R3HDM2: variants seen among roughly 807,000 people sequenced by gnomAD.
R3HDM2 encodes R3H domain-containing protein 2.
Under a neutral mutation model 124.5 loss-of-function variants are expected in R3HDM2, and 38 were observed. The observed-to-expected ratio is 0.31, with a 90% CI of 0.24 to 0.40. R3HDM2 has a LOEUF of 0.40. Among genes scored for constraint, R3HDM2 ranks in the 10% least tolerant of loss-of-function variants. The probability of loss-of-function intolerance (pLI) is 1.00; values close to 1 mark genes in which losing one functional copy is unlikely to be tolerated. For missense variants in R3HDM2, 869 were observed against 1,236.9 expected (o/e 0.70, Z 4.46); for synonymous variants, 391 against 448.0 (o/e 0.87, Z 1.61).
At chr12:57,407,927 A>C (rs2068673386) in intron 1 of R3HDM2, among the ~76,000 whole-genome samples, 1 of 151,128 alleles carries the variant, frequency 6.6e-6, no homozygotes, top group African/African-American at 2.4e-5. Flanking sequence ...CACCACATCC[A>C]GCTAATTTTT....
intron 2 of R3HDM2, among the ~76,000 whole-genome samples, chr12:57,349,260 G>A (rs2060401760): frequency 6.6e-6 from 1 of 150,674 alleles, no homozygotes; most frequent in Admixed American, 6.6e-5. Context: ...GGTGCCTGTA[G>A]TCCCAGCTAC....
At chr12:57,263,249 C>T (rs1565850640) in intron 19 of R3HDM2, among the ~76,000 whole-genome samples, 2 of 152,196 alleles carry the variant, frequency 1.3e-5, no homozygotes, top group African/African-American at 2.4e-5. Context: ...AGTATACCTA[C>T]ATGTACATGC....
chr12:57,281,901 G>A (rs1193321830), intron 13 of R3HDM2, among the ~76,000 whole-genome samples: 3 of 152,202 alleles, frequency 2.0e-5, no homozygotes, highest in Non-Finnish European at 4.4e-5. Context: ...AGATGAGGAA[G>A]CAAAAACTCC....
At chr12:57,275,119 G>T (rs1418694257) in intron 14 of R3HDM2, among the ~76,000 whole-genome samples, 1 of 152,214 alleles carries the variant, frequency 6.6e-6, no homozygotes, top group East Asian at 1.9e-4. Flanking sequence ...ATAAAAATAG[G>T]CACATAGACC....
chr12:57,395,662 G>T, intron 2 of R3HDM2, 87 bp downstream of exon 2: 1 of 460,068 alleles, frequency 2.2e-6, no homozygotes, highest in South Asian at 9.3e-5. Context: ...ACACCATGGA[G>T]TTGTGTGAGG....
chr12:57,286,199 T>A (rs2047304894), intron 12 of R3HDM2, among the ~76,000 whole-genome samples: 1 of 152,138 alleles, frequency 6.6e-6, no homozygotes, highest in Admixed American at 6.5e-5. Flanking sequence ...GCTGATTAGT[T>A]TTTACAAGCA....
intron 2 of R3HDM2, among the ~76,000 whole-genome samples, chr12:57,343,764 T>TAAAAAAAAAAAAAAAAAAAA (rs5798403): frequency 9.0e-6 from 1 of 111,660 alleles, no homozygotes. Context: ...TACAAAAGGT[T>TAAAAAAAAAAAAAAAAAAAA]AAAAAAAAAA....
At chr12:57,267,705 G>A (rs2042792332) in intron 18 of R3HDM2, among the ~76,000 whole-genome samples, 1 of 152,194 alleles carries the variant, frequency 6.6e-6, no homozygotes, top group Non-Finnish European at 1.5e-5. Flanking sequence ...AGAAACACGT[G>A]GAGTTGCCCA....
At chr12:57,289,472 C>T (rs192784121) in intron 11 of R3HDM2, among the ~76,000 whole-genome samples, 90 of 152,310 alleles carry the variant, frequency 5.9e-4, no homozygotes, top group Non-Finnish European at 5.7e-4. Context: ...TCCTCAATGG[C>T]TTTTCCATTT....
At chr12:57,362,567 G>A (rs1327687798) in intron 2 of R3HDM2, among the ~76,000 whole-genome samples, 1 of 152,142 alleles carries the variant, frequency 6.6e-6, no homozygotes. Context: ...AAAGTTATAT[G>A]TGGATTTTTG....
At chr12:57,343,634 A>G (rs1433875234) in intron 2 of R3HDM2, among the ~76,000 whole-genome samples, 2 of 152,070 alleles carry the variant, frequency 1.3e-5, no homozygotes, top group African/African-American at 4.8e-5. Flanking sequence ...AAAACAATAA[A>G]ACCTGTCACA....
intron 20 of R3HDM2, 67 bp from the exon 21 acceptor site, chr12:57,258,204 G>A: frequency 7.7e-7 from 1 of 1,297,196 alleles, no homozygotes; most frequent in Non-Finnish European, 9.9e-7. Flanking sequence ...CCTATGGCTT[G>A]GCTTAAAATT....
intron 1 of R3HDM2, among the ~76,000 whole-genome samples, chr12:57,396,205 C>T (rs2067475696): frequency 6.6e-6 from 1 of 151,844 alleles, no homozygotes; most frequent in South Asian, 2.1e-4. Context: ...TTTGGGTGGC[C>T]GAGGCCGGTG....
intron 2 of R3HDM2, among the ~76,000 whole-genome samples, chr12:57,386,360 G>T (rs1363368931): frequency 6.6e-6 from 1 of 152,262 alleles, no homozygotes; most frequent in Non-Finnish European, 1.5e-5. Context: ...TTGCGGGCCA[G>T]CACGAGTTCC....
rs1412159483 is a variant in R3HDM2 at position 57,254,977 on chromosome 12, C to A, written c.2769G>T (p.Gly923=). ...WLKDAQGLPG[G]GGGDNSGTAE... Reference sequence around the variant, plus strand: ...CAGTCCCACTGTTGTCCCCCCCACCCCCTCCAGGCAGCCCCTGAGCATCCT... The same window carrying A: ...CAGTCCCACTGTTGTCCCCCCCACCACCTCCAGGCAGCCCCTGAGCATCCT... Residue 923 remains glycine (G), a synonymous_variant, in exon 24 of 24, where the codon GGG becomes GGT. Transcript: ENST00000402412. 2.5e-6 allele frequency: 4 copies of A among 1,612,528 alleles called. No homozygotes were observed. The highest frequency in any genetic ancestry group is 1.3e-5 in the African/African-American group (1 of 75,008).
intron 2 of R3HDM2, among the ~76,000 whole-genome samples, chr12:57,340,531 T>A (rs1265044223): frequency 6.6e-6 from 1 of 152,142 alleles, no homozygotes; most frequent in Admixed American, 6.6e-5. Context: ...CAAAAATAGA[T>A]TGTGTTGGTC....
chr12:57,277,503 A>G (rs983108279), intron 14 of R3HDM2, among the ~76,000 whole-genome samples: 1 of 151,482 alleles, frequency 6.6e-6, no homozygotes, highest in African/African-American at 2.4e-5. Context: ...CAGTGGTGCA[A>G]TCTCAGCTCA....
rs1475755927 is a variant in R3HDM2, at chr12:57,425,231, CATT to C, written c.-106+5486_-106+5488del. ...AAGTTGCGGTGAGCCGAGATCGTGC[CATT>C]GCACTCCAACCTGGGCAACAAGAGC... On this transcript the variant is annotated intron_variant, in intron 1 of 23. Transcript: ENST00000402412. Among the ~76,000 whole-genome samples the C allele has an allele frequency of 4.7e-5, 7 of 150,508 alleles. No individual in the cohort carries two copies. The East Asian group carries it at 1.4e-3, about 30-fold the overall frequency.
chr12:57,353,916 T>C (rs1479814023), intron 2 of R3HDM2, among the ~76,000 whole-genome samples: 1 of 152,120 alleles, frequency 6.6e-6, no homozygotes, highest in African/African-American at 2.4e-5. Context: ...AGTGCAGTGG[T>C]GCAATCTCGG....
Sources: allele counts gnomAD v4.1 joint callset (sites outside exome capture counted in the v4.1 genomes callset), GRCh38; gene constraint gnomAD v4.1.1; transcripts MANE v1.5; gene names NCBI Gene and HGNC (gene_info 2026-07-23, HGNC 2026-07-21).